CCSER1: variants seen among roughly 807,000 people sequenced by gnomAD.
The protein encoded by CCSER1 is coiled-coil serine rich protein 1.
Under a neutral mutation model 82.0 loss-of-function variants are expected in CCSER1, and 41 were observed. The observed-to-expected ratio is 0.50, with a 90% CI of 0.39 to 0.65. The LOEUF (loss-of-function observed/expected upper bound fraction) is 0.65, where lower values mean the gene tolerates loss of function less well. Ranked by LOEUF, CCSER1 falls within the 30% of genes least tolerant of loss-of-function variation. The probability of loss-of-function intolerance (pLI) is 0.00; values close to 1 mark genes in which losing one functional copy is unlikely to be tolerated. For synonymous variants in CCSER1, 414 were observed against 383.9 expected (o/e 1.08, Z -0.92); for missense variants, 1,119 against 1,064.2 (o/e 1.05, Z -0.72).
rs1188441392 is a variant in CCSER1 at position 90,578,156 on chromosome 4, G to A, written c.1725-49869G>A. 2.0e-5 allele frequency among the ~76,000 whole-genome samples: 3 copies of A among 152,266 alleles called. No homozygotes were observed. The East Asian group carries it at 5.8e-4, about 29-fold the overall frequency. On this transcript the variant is annotated intron_variant, in intron 5 of 10. Transcript: ENST00000509176. The stretch of plus-strand genomic sequence containing the variant: ...GAGGATTTTTAAGAAGTAAAAGTAT[G>A]TGTAGATTATTATATTAGCTTTATA...
At chr4:90,526,517 T>C (rs933338490) in intron 5 of CCSER1, among the ~76,000 whole-genome samples, 3 of 152,102 alleles carry the variant, frequency 2.0e-5, no homozygotes, top group African/African-American at 7.2e-5. Flanking sequence ...GTCATCTACA[T>C]TAGATATTTC....
chr4:90,353,269 A>G (rs941105939), intron 3 of CCSER1, among the ~76,000 whole-genome samples: 1 of 152,224 alleles, frequency 6.6e-6, no homozygotes, highest in East Asian at 1.9e-4. Context: ...TGAAGAATGT[A>G]TGCAGAAACA....
intron 7 of CCSER1, among the ~76,000 whole-genome samples, chr4:90,732,817 A>G (rs765164997): frequency 2.6e-5 from 4 of 152,224 alleles, no homozygotes; most frequent in South Asian, 2.1e-4. Context: ...TTCACTTACC[A>G]TAATGACTTC....
At chr4:90,856,672 A>G (rs1209861591) in intron 8 of CCSER1, among the ~76,000 whole-genome samples, 1 of 152,168 alleles carries the variant, frequency 6.6e-6, no homozygotes, top group Non-Finnish European at 1.5e-5. Flanking sequence ...TATAACTCAT[A>G]ACTCATTAGC....
At chr4:90,541,175 A>G (rs1348367110) in intron 5 of CCSER1, among the ~76,000 whole-genome samples, 1 of 152,114 alleles carries the variant, frequency 6.6e-6, no homozygotes, top group East Asian at 1.9e-4. Context: ...AGTAATTGGA[A>G]GAAAAGGATG....
chr4:91,337,263 C>T (rs551842884), intron 10 of CCSER1, among the ~76,000 whole-genome samples: 5 of 152,160 alleles, frequency 3.3e-5, no homozygotes, highest in African/African-American at 4.8e-5. Flanking sequence ...TTACTTATAA[C>T]GCATGAACAT....
chr4:90,193,295 C>A (rs1030137892), intron 1 of CCSER1, among the ~76,000 whole-genome samples: 4 of 151,994 alleles, frequency 2.6e-5, no homozygotes, highest in Non-Finnish European at 5.9e-5. Flanking sequence ...GTGCCTGGCA[C>A]ATAGTGTTCA....
At chr4:91,022,168 C>G (rs1222950184) in intron 9 of CCSER1, among the ~76,000 whole-genome samples, 2 of 132,720 alleles carry the variant, frequency 1.5e-5, no homozygotes, top group African/African-American at 5.6e-5. Flanking sequence ...CACCCCACAC[C>G]AGGCCCTGGT....
chr4:90,993,682 G>C (rs941959352), intron 9 of CCSER1, among the ~76,000 whole-genome samples: 1 of 151,970 alleles, frequency 6.6e-6, no homozygotes, highest in Non-Finnish European at 1.5e-5. Context: ...TTTGCAGATA[G>C]CTGCCTTGTG....
At chr4:91,261,518 A>G (rs1010593997) in intron 10 of CCSER1, among the ~76,000 whole-genome samples, 2 of 152,166 alleles carry the variant, frequency 1.3e-5, no homozygotes, top group Non-Finnish European at 2.9e-5. Context: ...TACACTTCAT[A>G]TCTGCTGTGT....
intron 1 of CCSER1, among the ~76,000 whole-genome samples, chr4:90,149,590 G>A (rs1208804380): frequency 6.6e-6 from 1 of 152,086 alleles, no homozygotes; most frequent in African/African-American, 2.4e-5. Context: ...GAAAGGGAAA[G>A]CAAGTAATTG....
intron 10 of CCSER1, among the ~76,000 whole-genome samples, chr4:91,295,159 G>T (rs892416511): frequency 6.6e-6 from 1 of 151,864 alleles, no homozygotes; most frequent in Non-Finnish European, 1.5e-5. Flanking sequence ...GAGAAAATAT[G>T]ATTTAAGCTA....
At chr4:91,462,753 G>A (rs181677208) in intron 10 of CCSER1, among the ~76,000 whole-genome samples, 14 of 152,240 alleles carry the variant, frequency 9.2e-5, no homozygotes, top group South Asian at 2.1e-4. Flanking sequence ...ACGGAGCCTC[G>A]CTCATTGCTA....
chr4:91,235,919 A>G (rs942727427), intron 10 of CCSER1, among the ~76,000 whole-genome samples: 2 of 152,222 alleles, frequency 1.3e-5, no homozygotes, highest in East Asian at 1.9e-4. Flanking sequence ...TACTATTAAT[A>G]GGATGATTAC....
At chr4:90,147,269 A>G (rs959964737) in intron 1 of CCSER1, among the ~76,000 whole-genome samples, 5 of 152,170 alleles carry the variant, frequency 3.3e-5, no homozygotes, top group African/African-American at 1.2e-4. Context: ...CCTATGAGAT[A>G]GGTTTTTAAT....
chr4:91,272,418 T>C (rs1742105868), intron 10 of CCSER1, among the ~76,000 whole-genome samples: 1 of 152,246 alleles, frequency 6.6e-6, no homozygotes, highest in Non-Finnish European at 1.5e-5. Flanking sequence ...TGTCTATTCA[T>C]GTCCTTAGCC....
chr4:91,193,752 A>G (rs17268740), intron 10 of CCSER1, among the ~76,000 whole-genome samples: 29,839 of 151,940 alleles, frequency 0.2, 3,200 homozygotes, highest in Non-Finnish European at 0.23. Flanking sequence ...TGACTCTTAT[A>G]TGGACACAAT....
At chr4:90,722,793 C>A (rs757522138) in intron 6 of CCSER1, among the ~76,000 whole-genome samples, 3 of 151,826 alleles carry the variant, frequency 2.0e-5, no homozygotes, top group African/African-American at 7.2e-5. Flanking sequence ...CATAAGTAGT[C>A]CCAACTTAAT....
At chr4:91,010,153 G>T (rs1457024715) in intron 9 of CCSER1, among the ~76,000 whole-genome samples, 1 of 152,114 alleles carries the variant, frequency 6.6e-6, no homozygotes, top group African/African-American at 2.4e-5. Context: ...CTTAAGGATA[G>T]CTTTGCTGGA....
Sources: allele counts gnomAD v4.1 joint callset (sites outside exome capture counted in the v4.1 genomes callset), GRCh38; gene constraint gnomAD v4.1.1; transcripts MANE v1.5; gene names NCBI Gene and HGNC (gene_info 2026-07-23, HGNC 2026-07-21).